The following NTAQ1 variants were observed in gnomAD, a reference collection of about 807,000 sequenced individuals.
NTAQ1 encodes protein N-terminal glutamine amidohydrolase.
NTAQ1 carries 21 observed loss-of-function variants against 28.2 expected under a neutral mutation model. That is an observed-to-expected ratio of 0.74 (90% CI 0.53 to 1.07). NTAQ1 has a LOEUF of 1.07. Ranked by LOEUF, NTAQ1 falls within the 50% of genes least tolerant of loss-of-function variation. NTAQ1 has a pLI of 0.00. For synonymous variants in NTAQ1, 105 were observed against 90.0 expected, an observed-to-expected ratio of 1.17 and a Z score of -0.94; for missense variants, 264 against 256.6, an observed-to-expected ratio of 1.03 and a Z score of -0.20.
At chr8:123,443,439 G>A (rs1247233957), downstream of NTAQ1, among the ~76,000 whole-genome samples, 6 of 152,328 alleles carry the variant, frequency 3.9e-5, no homozygotes, top group Admixed American at 2.6e-4. Context: ...TAACACTACC[G>A]CTTCAATAAA....
At chr8:123,452,846 G>T (rs1040484925), downstream of NTAQ1, among the ~76,000 whole-genome samples, 2 of 152,026 alleles carry the variant, frequency 1.3e-5, no homozygotes, top group Admixed American at 6.6e-5. Context: ...GGTGGAGATC[G>T]CACCATTGCA....
At chr8:123,443,405 T>C (rs746207158), downstream of NTAQ1, among the ~76,000 whole-genome samples, 2 of 152,228 alleles carry the variant, frequency 1.3e-5, no homozygotes, top group Non-Finnish European at 2.9e-5. Context: ...GTAAACCTGC[T>C]CTGCAGGAGC....
At chr8:123,449,959 A>G (rs1354765507), downstream of NTAQ1, among the ~76,000 whole-genome samples, 4 of 49,496 alleles carry the variant, frequency 8.1e-5, 2 homozygotes, top group African/African-American at 3.0e-4. Flanking sequence ...GCATATATAT[A>G]TATATATATA....
intron 5 of NTAQ1, among the ~76,000 whole-genome samples, chr8:123,438,672 CAA>C (rs11411907): frequency 7.5e-6 from 1 of 132,630 alleles, no homozygotes; most frequent in Non-Finnish European, 1.6e-5. Context: ...GATTCCATCT[CAA>C]AAAAAAAAAA....
At chr8:123,473,536 T>G (rs139564499), downstream of NTAQ1, among the ~76,000 whole-genome samples, 1,128 of 152,292 alleles carry the variant, frequency 7.4e-3, 17 homozygotes, top group African/African-American at 0.026. Flanking sequence ...TCAACTGATC[T>G]GGCCTTGGCT....
chr8:123,449,684 G>A (rs1349715485), downstream of NTAQ1, among the ~76,000 whole-genome samples: 1 of 151,508 alleles, frequency 6.6e-6, no homozygotes, highest in African/African-American at 2.4e-5. Flanking sequence ...TTTTGGGGAG[G>A]AAGATCAGGA....
downstream of NTAQ1, among the ~76,000 whole-genome samples, chr8:123,444,001 T>C (rs992459329): frequency 6.6e-6 from 1 of 152,180 alleles, no homozygotes; most frequent in Non-Finnish European, 1.5e-5. Flanking sequence ...TTTATCGGGC[T>C]TAGGAACTGT....
At chr8:123,445,874 G>A (rs1273233078), downstream of NTAQ1, among the ~76,000 whole-genome samples, 1 of 152,084 alleles carries the variant, frequency 6.6e-6, no homozygotes, top group African/African-American at 2.4e-5. Context: ...CCAAAGTGCT[G>A]GGATTACAGG....
downstream of NTAQ1, among the ~76,000 whole-genome samples, chr8:123,448,597 C>T (rs975307348): frequency 6.6e-6 from 1 of 152,156 alleles, no homozygotes; most frequent in African/African-American, 2.4e-5. Flanking sequence ...CCAGCCTGGG[C>T]GACAAGAGTG....
At chr8:123,435,494 C>A (rs1261719554) in intron 3 of NTAQ1, 1 of 985,324 alleles carries the variant, frequency 1.0e-6, no homozygotes, top group Non-Finnish European at 1.2e-6. Flanking sequence ...TCCTTGCAGA[C>A]GTTTTCCTCT....
At chr8:123,419,948 T>C (rs116134000) in intron 1 of NTAQ1, among the ~76,000 whole-genome samples, 3,815 of 152,104 alleles carry the variant, frequency 0.025, 145 homozygotes, top group African/African-American at 0.085. Context: ...TGGGGTTACA[T>C]GTGCAGGTTT....
chr8:123,437,592 A>C (rs1020075323), intron 5 of NTAQ1, among the ~76,000 whole-genome samples: 1 of 152,014 alleles, frequency 6.6e-6, no homozygotes, highest in African/African-American at 2.4e-5. Flanking sequence ...AGTCCCAGCT[A>C]CTAGGGAGGC....
At chr8:123,448,627 T>G (rs935405330), downstream of NTAQ1, among the ~76,000 whole-genome samples, 1 of 152,102 alleles carries the variant, frequency 6.6e-6, no homozygotes, top group African/African-American at 2.4e-5. Context: ...CGAAAAAGAA[T>G]AAGAAGAATT....
intron 1 of NTAQ1, among the ~76,000 whole-genome samples, chr8:123,420,354 A>G (rs1403862487): frequency 6.6e-6 from 1 of 152,120 alleles, no homozygotes; most frequent in African/African-American, 2.4e-5. Flanking sequence ...CATCTTTGCT[A>G]TCATGAATAG....
At position 123,440,146 on chromosome 8, in the gene NTAQ1, C is replaced by CTTTTT. The variant is rs577877415; in HGVS notation, c.509-1137_509-1133dup. On this transcript the variant is annotated intron_variant, in intron 5 of 5. Coordinates refer to ENST00000287387, the MANE Select transcript of NTAQ1 (RefSeq NM_018024.3). ...CCACCACGCTGGCCAGGATTAACTC[C>CTTTTT]TTTTTTTTTTTTTTTTTTTTTTTTT... Among the ~76,000 whole-genome samples, 63 of 56,570 alleles carry CTTTTT rather than the reference C, an allele frequency of 1.1e-3. 7 individuals are homozygous for CTTTTT. The highest frequency in any genetic ancestry group is 9.6e-3 in the East Asian group (15 of 1,556). 37.1% of individuals were successfully genotyped at this position (56,570 alleles called of 152,430 possible).
downstream of NTAQ1, among the ~76,000 whole-genome samples, chr8:123,451,474 G>A (rs1182504085): frequency 6.6e-6 from 1 of 152,144 alleles, no homozygotes; most frequent in Non-Finnish European, 1.5e-5. Flanking sequence ...AAGTAGCTGG[G>A]ATTATAGGCA....
chr8:123,424,160 C>A (rs1455340580), intron 1 of NTAQ1, among the ~76,000 whole-genome samples: 1 of 146,486 alleles, frequency 6.8e-6, no homozygotes, highest in Non-Finnish European at 1.5e-5. Flanking sequence ...GCAACCTGTG[C>A]CTCCCGGGCT....
intron 1 of NTAQ1, among the ~76,000 whole-genome samples, chr8:123,419,756 CTTCCTTCCTTCCTTTCT>C (rs1448986247): frequency 1.5e-4 from 14 of 93,286 alleles, no homozygotes; most frequent in Non-Finnish European, 1.8e-4. Context: ...CCCTCCCTCC[CTTCCTTCCTTCCTTTCT>C]TCCCTCCCTC....
chr8:123,429,861 CAG>C, intron 2 of NTAQ1, 120 bp from the exon 3 acceptor site: 2 of 539,252 alleles, frequency 3.7e-6, no homozygotes, highest in Non-Finnish European at 5.9e-6. Flanking sequence ...GCCTGGGTGA[CAG>C]AGCAGGACTC....
Sources: gnomAD v4.1 joint callset for allele counts (sites outside exome capture counted in the v4.1 genomes callset) on GRCh38, gnomAD v4.1.1 for gene constraint, MANE v1.5 for transcripts, NCBI Gene and HGNC (gene_info 2026-07-23, HGNC 2026-07-21) for gene names.